The following MRPS5 variants were observed in gnomAD, a reference collection of about 807,000 sequenced individuals.
MRPS5 encodes the protein mitochondrial ribosomal protein S5, also known as small ribosomal subunit protein uS5m.
A neutral mutation model predicts 51.9 loss-of-function variants in MRPS5; 27 were observed. The observed-to-expected ratio is 0.52, with a 90% CI of 0.38 to 0.72. MRPS5 has a LOEUF of 0.72. MRPS5 is among the 30% of genes least tolerant of loss of function. MRPS5 has a pLI of 0.00. For synonymous variants in MRPS5, 196 were observed against 193.2 expected (o/e 1.01, Z -0.12); for missense variants, 570 against 545.7 (o/e 1.04, Z -0.44).
intron 10 of MRPS5, among the ~76,000 whole-genome samples, chr2:95,094,402 T>C (rs1488666186): frequency 2.6e-5 from 4 of 152,036 alleles, no homozygotes; most frequent in African/African-American, 4.8e-5. Flanking sequence ...AAATACTCCT[T>C]GAGAAGAGCA....
In MRPS5 at chr2:95,121,726, G is replaced by C. The variant is rs1339877693; in HGVS notation, c.58+8C>G. ...CAGAGCCCCTGCTCCCGGCGTCCCA[G>C]CTCTCACCTGCCGTCCCGCTACACA... is the stretch of plus-strand genomic sequence containing the variant. On this transcript the variant is annotated splice_region_variant and intron_variant, in intron 1 of 11. Coordinates refer to ENST00000272418, the MANE Select transcript of MRPS5 (RefSeq NM_031902.5). The C allele has an allele frequency of 3.9e-6, 6 of 1,539,694 alleles. No individual in the cohort carries two copies.
At chr2:95,121,509 C>T (rs1320872387) in intron 1 of MRPS5, among the ~76,000 whole-genome samples, 2 of 152,240 alleles carry the variant, frequency 1.3e-5, no homozygotes, top group Non-Finnish European at 2.9e-5. Context: ...CCCTGAAGAA[C>T]GACGTCCAGT....
At chr2:95,118,527 T>C (rs778838793) in intron 1 of MRPS5, among the ~76,000 whole-genome samples, 2 of 152,266 alleles carry the variant, frequency 1.3e-5, no homozygotes, top group Non-Finnish European at 2.9e-5. Context: ...TGCTCTCGCA[T>C]ACTTCTGTGT....
chr2:95,103,137 T>C (rs1675851447), intron 7 of MRPS5, among the ~76,000 whole-genome samples: 1 of 152,216 alleles, frequency 6.6e-6, no homozygotes, highest in African/African-American at 2.4e-5. Flanking sequence ...TGTAGTGATA[T>C]AAGACTGATA....
intron 1 of MRPS5, 116 bp downstream of exon 1, chr2:95,121,618 G>T: frequency 8.4e-7 from 1 of 1,191,526 alleles, no homozygotes. Context: ...GGCACGGCGT[G>T]AAGAGCCGGG....
At chr2:95,104,582 C>T (rs1228964993) in intron 7 of MRPS5, 58 bp downstream of exon 7, 41 of 1,568,882 alleles carry the variant, frequency 2.6e-5, no homozygotes, top group Middle Eastern at 1.7e-4. Flanking sequence ...CAGCATGGCC[C>T]GTGCCACGCC....
At chr2:95,104,522 G>C (rs769712571) in intron 7 of MRPS5, 118 bp downstream of exon 7, 4 of 1,034,866 alleles carry the variant, frequency 3.9e-6, no homozygotes, top group African/African-American at 3.1e-5. Context: ...CCACTAAAAG[G>C]TTTAATCAAT....
chr2:95,108,756 A>G (rs1344594940), intron 4 of MRPS5, among the ~76,000 whole-genome samples: 1 of 152,230 alleles, frequency 6.6e-6, no homozygotes, highest in Non-Finnish European at 1.5e-5. Context: ...ACTCTGCACT[A>G]AATCAAAAGA....
intron 2 of MRPS5, among the ~76,000 whole-genome samples, chr2:95,117,536 C>A (rs1676318812): frequency 6.7e-6 from 1 of 148,260 alleles, no homozygotes; most frequent in South Asian, 2.2e-4. Flanking sequence ...ATTAACATAA[C>A]AATTGATAAA....
intron 1 of MRPS5, 150 bp from the exon 2 acceptor site, chr2:95,118,095 T>C (rs1676342353): frequency 3.4e-6 from 2 of 585,420 alleles, no homozygotes; most frequent in South Asian, 2.5e-5. Flanking sequence ...GTCAAGTAGC[T>C]GACACCATAC....
chr2:95,101,739 C>A lies in MRPS5; in HGVS notation c.764-16G>T. The A allele has an allele frequency of 6.3e-7, 1 of 1,585,994 alleles. No homozygotes were observed. Among genetic ancestry groups the A allele is most frequent in the Non-Finnish European group, 8.6e-7 (1 of 1,169,484 alleles). On this transcript the variant is annotated splice_polypyrimidine_tract_variant and intron_variant, in intron 7 of 11. Coordinates refer to ENST00000272418, the MANE Select transcript of MRPS5 (RefSeq NM_031902.5). ...ATAGAAAAACCTTTAAACAAAAAAG[C>A]AAAAATAAGAAAAGAGACAGAAATT...
At chr2:95,113,826 T>TA (rs1352151112) in intron 3 of MRPS5, among the ~76,000 whole-genome samples, 3 of 151,500 alleles carry the variant, frequency 2.0e-5, no homozygotes, top group African/African-American at 7.3e-5. Context: ...TATATTACAT[T>TA]AAAAAAAGCA....
chr2:95,116,006 A>G (rs1676276164), intron 2 of MRPS5, among the ~76,000 whole-genome samples: 1 of 150,566 alleles, frequency 6.6e-6, no homozygotes, highest in Non-Finnish European at 1.5e-5. Context: ...TCCCAGGTTC[A>G]GCGATTCTCC....
chr2:95,090,005 G>A lies in MRPS5; in HGVS notation c.1068+381C>T, dbSNP rs188025820. On this transcript the variant is annotated intron_variant, in intron 11 of 11. Coordinates refer to ENST00000272418, the MANE Select transcript of MRPS5 (RefSeq NM_031902.5). Reference sequence around the variant, plus strand: ...ATCCCGGCTAAAACGGTGAAACCCCGTCTCTACTAAAAATACAAAAAATTA... The same window carrying A: ...ATCCCGGCTAAAACGGTGAAACCCCATCTCTACTAAAAATACAAAAAATTA... Among the ~76,000 whole-genome samples, 536 of 151,126 alleles carry A rather than the reference G, an allele frequency of 3.5e-3. 4 individuals are homozygous for A. The highest frequency in any genetic ancestry group is 0.012 in the African/African-American group (513 of 41,160).
chr2:95,097,449 T>C (rs1392868581), intron 10 of MRPS5, among the ~76,000 whole-genome samples: 4 of 152,226 alleles, frequency 2.6e-5, no homozygotes, highest in South Asian at 2.1e-4. Flanking sequence ...CTTCAAACTA[T>C]ACTACAAGGC....
chr2:95,098,743 C>G (rs1675705296), intron 10 of MRPS5, among the ~76,000 whole-genome samples: 1 of 151,750 alleles, frequency 6.6e-6, no homozygotes, highest in Non-Finnish European at 1.5e-5. Context: ...ATGTAAATGA[C>G]GAGTTAATGG....
intron 5 of MRPS5, 56 bp from the exon 6 acceptor site, chr2:95,106,513 G>A (rs1038501747): frequency 7.1e-5 from 103 of 1,455,760 alleles, no homozygotes; most frequent in Non-Finnish European, 9.5e-5. Flanking sequence ...CAATTAACAT[G>A]AAAGCATTTT....
intron 6 of MRPS5, among the ~76,000 whole-genome samples, chr2:95,105,185 G>A (rs1675913101): frequency 1.3e-5 from 2 of 152,256 alleles, no homozygotes; most frequent in Admixed American, 6.5e-5. Flanking sequence ...GCACAGGACT[G>A]GCCTCTACGC....
In MRPS5 at chr2:95,087,531, G is replaced by C. The variant is rs1374325729; in HGVS notation, c.1119C>G (p.Ile373Met). Residue 373 changes from isoleucine to methionine, a missense_variant, in exon 12 of 12, where the codon ATC becomes ATG. Ile to Met is a conservative substitution (Grantham distance 10). Transcript: ENST00000272418. ...TGGGCAGAGGGCCACATTCCTCCCG[G>C]ATTTCCACAACATGGAGGCCCTTCT... ...ADKKGLHVVE[I>M]REECGPLPIV... is the part of the protein sequence containing the mutation. 6.2e-7 allele frequency: 1 copy of C among 1,614,172 alleles called. No individual in the cohort carries two copies. Among genetic ancestry groups the C allele is most frequent in the South Asian group, 1.1e-5 (1 of 91,086 alleles).
Sources: allele counts gnomAD v4.1 joint callset (sites outside exome capture counted in the v4.1 genomes callset), GRCh38; gene constraint gnomAD v4.1.1; transcripts MANE v1.5; gene names NCBI Gene and HGNC (gene_info 2026-07-23, HGNC 2026-07-21).